The following KIAA1328 variants were observed in gnomAD, a reference collection of about 807,000 sequenced individuals.
The protein encoded by KIAA1328 is protein hinderin.
Under a neutral mutation model 68.1 loss-of-function variants are expected in KIAA1328, and 52 were observed. The ratio of observed to expected loss-of-function variants is 0.76; its 90% CI spans 0.61 to 0.96. The LOEUF (loss-of-function observed/expected upper bound fraction) is 0.96. Ranked by LOEUF, KIAA1328 falls within the 40% of genes least tolerant of loss-of-function variation. The pLI is 0.00. For synonymous variants in KIAA1328, 232 were observed against 239.4 expected, an observed-to-expected ratio of 0.97 and a Z score of 0.28; for missense variants, 641 against 677.6, an observed-to-expected ratio of 0.95 and a Z score of 0.60.
intron 5 of KIAA1328, among the ~76,000 whole-genome samples, chr18:36,948,554 CT>C (rs528683320): frequency 1.9e-3 from 257 of 133,732 alleles, no homozygotes; most frequent in Middle Eastern, 4.2e-3. Flanking sequence ...GCCACCACGC[CT>C]TTTTTTTTTT....
intron 6 of KIAA1328, among the ~76,000 whole-genome samples, chr18:37,000,645 TC>T (rs2053554861): frequency 2.0e-3 from 1 of 512 alleles, no homozygotes; most frequent in African/African-American, 7.2e-3. Flanking sequence ...ATATCAAGTA[TC>T]TTCTCAGACC....
intron 7 of KIAA1328, among the ~76,000 whole-genome samples, chr18:37,132,257 A>G (rs1393001201): frequency 1.3e-5 from 2 of 152,082 alleles, no homozygotes; most frequent in Non-Finnish European, 2.9e-5. Flanking sequence ...TTTATTTAGA[A>G]TTTTTATAGA....
chr18:36,942,901 C>T (rs915167743), intron 5 of KIAA1328, among the ~76,000 whole-genome samples: 7 of 152,146 alleles, frequency 4.6e-5, no homozygotes, highest in African/African-American at 1.7e-4. Context: ...ATTTCTCTAC[C>T]AATTCATAGA....
intron 9 of KIAA1328, among the ~76,000 whole-genome samples, chr18:37,216,797 A>G (rs1336902827): frequency 6.6e-6 from 1 of 151,388 alleles, no homozygotes; most frequent in African/African-American, 2.4e-5. Context: ...GACTTGCTTT[A>G]TGAATCTGGG....
intron 9 of KIAA1328, among the ~76,000 whole-genome samples, chr18:37,192,035 A>C (rs1268206972): frequency 6.6e-6 from 1 of 152,112 alleles, no homozygotes; most frequent in Non-Finnish European, 1.5e-5. Context: ...TCCCAGCTTC[A>C]ACTGTAGCAC....
chr18:36,988,175 A>G (rs1287829147), intron 6 of KIAA1328, among the ~76,000 whole-genome samples: 1 of 152,214 alleles, frequency 6.6e-6, no homozygotes. Flanking sequence ...ATCAATTCTA[A>G]TGGCATTAGG....
intron 7 of KIAA1328, chr18:37,074,642 A>G (rs2056650108): frequency 1.3e-5 from 2 of 152,264 alleles, no homozygotes; most frequent in Non-Finnish European, 2.9e-5. Flanking sequence ...TTTCAGCTCC[A>G]TCAGCTCCTT....
intron 5 of KIAA1328, among the ~76,000 whole-genome samples, chr18:36,920,392 A>G (rs2049873442): frequency 6.6e-6 from 1 of 152,090 alleles, no homozygotes; most frequent in Non-Finnish European, 1.5e-5. Context: ...TTCTCTATCC[A>G]GTTCCATTGG....
intron 7 of KIAA1328, among the ~76,000 whole-genome samples, chr18:37,076,386 G>T (rs1173554207): frequency 2.0e-5 from 3 of 151,912 alleles, no homozygotes; most frequent in Non-Finnish European, 4.4e-5. Flanking sequence ...AAACAGGAAA[G>T]ATCCAAAATT....
intron 6 of KIAA1328, among the ~76,000 whole-genome samples, chr18:37,059,823 A>G (rs999683924): frequency 6.6e-6 from 1 of 152,218 alleles, no homozygotes; most frequent in Non-Finnish European, 1.5e-5. Flanking sequence ...GATAAAGAAA[A>G]TGTGGCACAT....
intron 6 of KIAA1328, among the ~76,000 whole-genome samples, chr18:36,989,815 G>C (rs1396957111): frequency 2.0e-5 from 3 of 151,900 alleles, no homozygotes; most frequent in Non-Finnish European, 2.9e-5. Context: ...CTGCCTCAGC[G>C]TCCCAAGTAG....
chr18:37,125,314 C>T (rs1699063), intron 7 of KIAA1328, among the ~76,000 whole-genome samples: 16,043 of 151,894 alleles, frequency 0.11, 2,862 homozygotes, highest in African/African-American at 0.37. Context: ...AGTAAGACCC[C>T]GTCTCAAAAA....
At chr18:37,173,266 C>G (rs1018715118) in intron 9 of KIAA1328, among the ~76,000 whole-genome samples, 185 bp downstream of exon 9, 3 of 152,178 alleles carry the variant, frequency 2.0e-5, no homozygotes, top group Admixed American at 2.0e-4. Context: ...TTTATACATG[C>G]ACTTTCTTAG....
At chr18:37,076,885 A>T (rs2056757854) in intron 7 of KIAA1328, among the ~76,000 whole-genome samples, 1 of 152,192 alleles carries the variant, frequency 6.6e-6, no homozygotes, top group South Asian at 2.1e-4. Flanking sequence ...ACGGATTCAC[A>T]GCCGAATTCT....
At chr18:37,139,023 C>T (rs1445724402) in intron 7 of KIAA1328, among the ~76,000 whole-genome samples, 1 of 127,808 alleles carries the variant, frequency 7.8e-6, no homozygotes, top group East Asian at 2.4e-4. Context: ...GTGGCACGAT[C>T]TTGGCTCACT....
intron 7 of KIAA1328, among the ~76,000 whole-genome samples, chr18:37,096,659 A>G (rs1004318513): frequency 4.6e-5 from 7 of 152,208 alleles, no homozygotes; most frequent in South Asian, 2.1e-4. Flanking sequence ...CCTGACTTCC[A>G]CAATGGCTGA....
At chr18:36,957,943 C>G (rs1024840242) in intron 5 of KIAA1328, among the ~76,000 whole-genome samples, 5 of 152,060 alleles carry the variant, frequency 3.3e-5, no homozygotes, top group Non-Finnish European at 7.4e-5. Flanking sequence ...AAATTCATAC[C>G]TGTTTGCAGT....
downstream of KIAA1328, among the ~76,000 whole-genome samples, chr18:37,229,271 G>T (rs141519254): frequency 2.0e-5 from 3 of 152,250 alleles, no homozygotes; most frequent in African/African-American, 7.2e-5. Flanking sequence ...CACACCCTTG[G>T]CTGGGCCCTG....
At chr18:36,914,553 C>CT (rs1322327112) in intron 5 of KIAA1328, among the ~76,000 whole-genome samples, 3 of 152,044 alleles carry the variant, frequency 2.0e-5, no homozygotes, top group Non-Finnish European at 4.4e-5. Flanking sequence ...AATCCCATCT[C>CT]TACTAAAAAT....
Sources: allele counts gnomAD v4.1 joint callset (sites outside exome capture counted in the v4.1 genomes callset), GRCh38; gene constraint gnomAD v4.1.1; transcripts MANE v1.5; gene names NCBI Gene and HGNC (gene_info 2026-07-23, HGNC 2026-07-21).